Variants in GPHN observed in about 807,000 individuals in gnomAD.
GPHN encodes the protein gephyrin.
In GPHN, 17 loss-of-function variants were observed where a neutral mutation model predicts 95.5. That is an observed-to-expected ratio of 0.18 (90% CI 0.12 to 0.27). The LOEUF is 0.27. Ranked by LOEUF, GPHN falls within the 10% of genes least tolerant of loss-of-function variation. The pLI, the probability that GPHN is intolerant of heterozygous loss-of-function variation, is 1.00. For synonymous variants in GPHN, 320 were observed against 322.5 expected (o/e 0.99, Z 0.08); for missense variants, 660 against 978.1 (o/e 0.67, Z 4.34).
At chr14:66,562,666 A>G (rs1328429542) in intron 1 of GPHN, among the ~76,000 whole-genome samples, 4 of 152,152 alleles carry the variant, frequency 2.6e-5, no homozygotes, top group Admixed American at 2.6e-4. Context: ...AGCTACTAAG[A>G]ACAGCAAATT....
At chr14:67,084,062 C>A (rs953101210) in intron 11 of GPHN, among the ~76,000 whole-genome samples, 1 of 152,146 alleles carries the variant, frequency 6.6e-6, no homozygotes, top group Non-Finnish European at 1.5e-5. Context: ...ATGATATATA[C>A]TGTGACAACA....
At chr14:67,608,212 C>G in the GPHN span, among the ~76,000 whole-genome samples, 1 of 152,034 alleles carries the variant, frequency 6.6e-6, no homozygotes, top group Non-Finnish European at 1.5e-5. Context: ...CCACTGCACT[C>G]CAGCCTGGGT....
At chr14:66,889,773 A>G (rs2064376747) in intron 5 of GPHN, among the ~76,000 whole-genome samples, 2 of 152,092 alleles carry the variant, frequency 1.3e-5, no homozygotes, top group African/African-American at 4.8e-5. Flanking sequence ...AAATTAGAGC[A>G]GAGATAAATG....
chr14:67,400,299 G>C, the GPHN span, among the ~76,000 whole-genome samples: 1 of 152,226 alleles, frequency 6.6e-6, no homozygotes, highest in Non-Finnish European at 1.5e-5. Context: ...GTTTCCATGA[G>C]AGGGTTCATG....
intron 1 of GPHN, among the ~76,000 whole-genome samples, chr14:66,535,773 T>C (rs991963317): frequency 2.0e-5 from 3 of 152,188 alleles, no homozygotes; most frequent in Admixed American, 6.5e-5. Flanking sequence ...GTTTAATACA[T>C]AGAATTACAG....
chr14:67,727,460 C>A, the GPHN span: 3 of 399,842 alleles, frequency 7.5e-6, no homozygotes, highest in Admixed American at 4.1e-5. Context: ...CTTTTTGCAA[C>A]AGACAGAGGC....
At chr14:67,647,132 A>G in the GPHN span, 1 of 749,122 alleles carries the variant, frequency 1.3e-6, no homozygotes, top group Non-Finnish European at 2.2e-6. Flanking sequence ...GCAAAAACAT[A>G]CACATAATTT....
intron 1 of GPHN, among the ~76,000 whole-genome samples, chr14:66,659,071 T>G (rs1275672447): frequency 6.8e-6 from 1 of 146,308 alleles, no homozygotes; most frequent in East Asian, 1.9e-4. Context: ...AAAATGCACT[T>G]ATTGCTATAT....
At chr14:67,172,291 A>G (rs2082643198) in intron 21 of GPHN, among the ~76,000 whole-genome samples, 1 of 152,052 alleles carries the variant, frequency 6.6e-6, no homozygotes, top group East Asian at 1.9e-4. Flanking sequence ...AAAGCCATAT[A>G]CGGCCTCCTA....
At chr14:67,646,964 G>T in the GPHN span, 2 of 1,612,164 alleles carry the variant, frequency 1.2e-6, no homozygotes, top group Non-Finnish European at 1.7e-6. Context: ...TTCCATGAGA[G>T]ATATTGATCG....
chr14:67,272,049 G>A, the GPHN span: 6 of 140,780 alleles, frequency 4.3e-5, no homozygotes, highest in South Asian at 9.3e-4. Flanking sequence ...CAAACTGGAC[G>A]ACAGAGTCTC....
the GPHN span, chr14:67,321,114 C>T: frequency 5.1e-5 from 83 of 1,613,976 alleles, no homozygotes; most frequent in African/African-American, 9.3e-5. Context: ...CACTTTGTTT[C>T]GCGGCAAGCA....
intron 1 of GPHN, among the ~76,000 whole-genome samples, chr14:66,580,340 T>C (rs1254475684): frequency 6.6e-6 from 1 of 151,598 alleles, no homozygotes; most frequent in African/African-American, 2.4e-5. Flanking sequence ...GTTGAATGAA[T>C]GAAATATTAA....
the GPHN span, among the ~76,000 whole-genome samples, chr14:67,475,052 A>G: frequency 5.3e-5 from 8 of 151,142 alleles, no homozygotes; most frequent in Non-Finnish European, 1.2e-4. Context: ...AGTAGCTGGG[A>G]CTACAGGCAC....
the GPHN span, among the ~76,000 whole-genome samples, chr14:67,500,435 A>G: frequency 2.0e-5 from 3 of 152,102 alleles, no homozygotes; most frequent in African/African-American, 7.2e-5. Flanking sequence ...AGCTCTCACC[A>G]TTGCACTCCA....
intron 5 of GPHN, among the ~76,000 whole-genome samples, chr14:66,890,830 T>A (rs192708827): frequency 2.0e-5 from 3 of 151,662 alleles, no homozygotes; most frequent in Admixed American, 2.0e-4. Flanking sequence ...GATCATTTGA[T>A]GATGGGTTTT....
At chr14:66,814,174 C>T (rs1336602081) in intron 3 of GPHN, among the ~76,000 whole-genome samples, 1 of 152,160 alleles carries the variant, frequency 6.6e-6, no homozygotes, top group Non-Finnish European at 1.5e-5. Flanking sequence ...GCCAGCACCC[C>T]ACCCTTGCAC....
chr14:67,730,302 C>T, the GPHN span, among the ~76,000 whole-genome samples: 23 of 152,174 alleles, frequency 1.5e-4, no homozygotes, highest in African/African-American at 5.6e-4. Flanking sequence ...AGTATGGTAG[C>T]CACTAGCCAC....
At chr14:67,528,756 T>TG in the GPHN span, among the ~76,000 whole-genome samples, 1 of 152,136 alleles carries the variant, frequency 6.6e-6, no homozygotes, top group Non-Finnish European at 1.5e-5. Context: ...TGATATGTGT[T>TG]GTAATTACAT....
Sources: allele counts gnomAD v4.1 joint callset (sites outside exome capture counted in the v4.1 genomes callset), GRCh38; gene constraint gnomAD v4.1.1; transcripts MANE v1.5; gene names NCBI Gene and HGNC (gene_info 2026-07-23, HGNC 2026-07-21).